BCL2L11: variants seen among roughly 807,000 people sequenced by gnomAD.
The protein encoded by BCL2L11 is bcl-2-like protein 11.
A neutral mutation model predicts 20.6 loss-of-function variants in BCL2L11; 15 were observed. The observed-to-expected ratio is 0.73, with a 90% CI of 0.49 to 1.12. BCL2L11 has a LOEUF of 1.12. Among genes scored for constraint, BCL2L11 ranks in the 50% most tolerant of loss-of-function variants. The probability of loss-of-function intolerance (pLI) is 0.00; values close to 1 mark genes in which losing one functional copy is unlikely to be tolerated. For synonymous variants in BCL2L11, 108 were observed against 92.8 expected (o/e 1.16, Z -0.94); for missense variants, 292 against 260.9 (o/e 1.12, Z -0.82).
At chr2:111,136,286 C>T (rs1432129161) in intron 2 of BCL2L11, among the ~76,000 whole-genome samples, 4 of 152,304 alleles carry the variant, frequency 2.6e-5, no homozygotes, top group South Asian at 2.1e-4. Context: ...GTGAGGAAAA[C>T]GGCATACTCC....
chr2:111,140,518 C>T (rs912868594), intron 2 of BCL2L11, among the ~76,000 whole-genome samples: 1 of 152,160 alleles, frequency 6.6e-6, no homozygotes, highest in African/African-American at 2.4e-5. Context: ...CTCTTAGGCA[C>T]GTGCATCTGC....
chr2:111,128,518 A>G (rs1216981979), intron 2 of BCL2L11: 2 of 1,341,094 alleles, frequency 1.5e-6, no homozygotes, highest in Admixed American at 7.0e-5. Flanking sequence ...GGGAACCATC[A>G]TGCTGTTCTC....
At chr2:111,153,339 A>G (rs575650855) in intron 3 of BCL2L11, among the ~76,000 whole-genome samples, 2 of 152,226 alleles carry the variant, frequency 1.3e-5, no homozygotes, top group South Asian at 4.1e-4. Flanking sequence ...AGATTGCACC[A>G]TTGCACTCTA....
At chr2:111,147,346 T>TCTCTCTCTCTCACACACACACA (rs760779894) in intron 2 of BCL2L11, among the ~76,000 whole-genome samples, 1 of 137,332 alleles carries the variant, frequency 7.3e-6, no homozygotes, top group Non-Finnish European at 1.5e-5. Flanking sequence ...TCTCTCTCTC[T>TCTCTCTCTCTCACACACACACA]CACACACACA....
At chr2:111,160,735 A>G (rs963512939) in intron 3 of BCL2L11, among the ~76,000 whole-genome samples, 1 of 152,216 alleles carries the variant, frequency 6.6e-6, no homozygotes, top group African/African-American at 2.4e-5. Context: ...GTTGTAACTT[A>G]CTAGCAAATT....
At chr2:111,140,710 T>C (rs1472450935) in intron 2 of BCL2L11, among the ~76,000 whole-genome samples, 1 of 152,188 alleles carries the variant, frequency 6.6e-6, no homozygotes, top group Non-Finnish European at 1.5e-5. Context: ...AGATACAATG[T>C]TAGTATATAT....
At chr2:111,159,549 T>C (rs757335688) in intron 3 of BCL2L11, among the ~76,000 whole-genome samples, 63 of 152,360 alleles carry the variant, frequency 4.1e-4, no homozygotes, top group Non-Finnish European at 5.0e-4. Context: ...TATAGTTGTC[T>C]GCTGTTCAAC....
At position 111,164,284 on chromosome 2, in the gene BCL2L11, A is replaced by G; in HGVS notation, c.*53A>G. 2 of 1,350,236 alleles carry G rather than the reference A, an allele frequency of 1.5e-6. No homozygotes were observed. Among genetic ancestry groups the G allele is most frequent in the Non-Finnish European group, 2.1e-6 (2 of 939,536 alleles). The allele number at this position is 1,350,236 out of a possible 1,614,324, so 83.6% of individuals were successfully genotyped here. A position where few individuals can be genotyped will look rare whatever the true frequency, so the allele number is the denominator to read the frequency against. On this transcript the variant is annotated 3_prime_UTR_variant, in exon 4 of 4. Transcript: ENST00000393256. ...TGCAGACATTTTGCTTGTTCAAACCAACAAGACCCAGCACCGCGGTCTCCT... is the reference window on the plus strand; with the variant it reads ...TGCAGACATTTTGCTTGTTCAAACCGACAAGACCCAGCACCGCGGTCTCCT...
At chr2:111,128,202 C>T (rs1347745923) in intron 2 of BCL2L11, among the ~76,000 whole-genome samples, 1 of 152,042 alleles carries the variant, frequency 6.6e-6, no homozygotes, top group African/African-American at 2.4e-5. Flanking sequence ...AGTATTTGCT[C>T]TTCCATGACA....
chr2:111,128,526 C>T (rs1284237215), intron 2 of BCL2L11: 10 of 1,374,674 alleles, frequency 7.3e-6, no homozygotes, highest in Admixed American at 3.4e-5. Context: ...TCATGCTGTT[C>T]TCCATAGAGG....
At chr2:111,162,926 T>C (rs2078738478) in intron 3 of BCL2L11, 1 of 152,246 alleles carries the variant, frequency 6.6e-6, no homozygotes, top group Non-Finnish European at 1.5e-5. Context: ...CAATCTTGTG[T>C]GTAAAACAGA....
chr2:111,134,280 T>C (rs1306675783), intron 2 of BCL2L11, among the ~76,000 whole-genome samples: 2 of 152,186 alleles, frequency 1.3e-5, no homozygotes, highest in African/African-American at 2.4e-5. Context: ...TTCTAGGATT[T>C]CGTTTTGATA....
chr2:111,123,193 T>C (rs2150133480), intron 1 of BCL2L11: 1 of 985,484 alleles, frequency 1.0e-6, no homozygotes, highest in Non-Finnish European at 1.2e-6. Context: ...CGAGCCGCGC[T>C]GGAGTTACAA....
chr2:111,140,407 A>T (rs1002123282), intron 2 of BCL2L11, among the ~76,000 whole-genome samples: 1 of 152,190 alleles, frequency 6.6e-6, no homozygotes, highest in Admixed American at 6.5e-5. Context: ...TTCCCATTCC[A>T]GTTCCTAAAA....
intron 1 of BCL2L11, chr2:111,123,299 G>A (rs780056980): frequency 1.8e-5 from 18 of 985,516 alleles, no homozygotes; most frequent in Non-Finnish European, 2.2e-5. Flanking sequence ...TGGGGCCGGA[G>A]CAGGGAACGC....
In BCL2L11 at chr2:111,164,257, C is replaced by T; in HGVS notation, c.*26C>T. 6.5e-7 allele frequency: 1 copy of T among 1,527,578 alleles called. No homozygotes were observed. The highest frequency in any genetic ancestry group is 9.1e-7 in the Non-Finnish European group (1 of 1,101,128). 94.6% of individuals were successfully genotyped at this position (1,527,578 alleles called of 1,614,324 possible). On this transcript the variant is annotated 3_prime_UTR_variant, in exon 4 of 4. Transcript: ENST00000393256. ...CAGGTTCTTTGCGGAGCCGAGATAC[C>T]ATGCAGACATTTTGCTTGTTCAAAC...
In BCL2L11 at chr2:111,165,094, T is replaced by A. The variant is rs2078962074; in HGVS notation, c.*863T>A. 6.6e-6 allele frequency: 1 copy of A among 152,282 alleles called. No individual in the cohort carries two copies. Among genetic ancestry groups the A allele is most frequent in the Admixed American group, 6.5e-5 (1 of 15,294 alleles). The allele number at this position is 152,282 out of a possible 1,614,324, so 9.4% of individuals were successfully genotyped here. On this transcript the variant is annotated 3_prime_UTR_variant, in exon 4 of 4. Coordinates refer to ENST00000393256, the MANE Select transcript of BCL2L11 (RefSeq NM_138621.5). ...TGTATCTTGCACAGTTCGAGCGATC[T>A]GTTATTAACTGGGAAGCATTTGGTG...
intron 3 of BCL2L11, among the ~76,000 whole-genome samples, chr2:111,156,483 T>A (rs1436327575): frequency 6.6e-6 from 1 of 152,188 alleles, no homozygotes; most frequent in Non-Finnish European, 1.5e-5. Context: ...TGTTTGGGTT[T>A]AGGAGCCTTT....
chr2:111,128,782 C>A, intron 2 of BCL2L11: 1 of 1,533,382 alleles, frequency 6.5e-7, no homozygotes. Flanking sequence ...CACCTCTCTC[C>A]CTCTTCCTTG....
Sources: allele counts gnomAD v4.1 joint callset (sites outside exome capture counted in the v4.1 genomes callset), GRCh38; gene constraint gnomAD v4.1.1; transcripts MANE v1.5; gene names NCBI Gene and HGNC (gene_info 2026-07-23, HGNC 2026-07-21).